The following NRXN1 variants were observed in gnomAD, a reference collection of about 807,000 sequenced individuals.
The protein encoded by NRXN1 is neurexin 1, also known as neurexin-1.
A neutral mutation model predicts 150.9 loss-of-function variants in NRXN1; 39 were observed. The ratio of observed to expected loss-of-function variants is 0.26; its 90% CI spans 0.20 to 0.34. NRXN1 has a LOEUF of 0.34. Ranked by LOEUF, NRXN1 falls within the 10% of genes least tolerant of loss-of-function variation. The probability of loss-of-function intolerance (pLI) is 1.00; values close to 1 mark genes in which losing one functional copy is unlikely to be tolerated. For synonymous variants in NRXN1, 924 were observed against 757.0 expected (o/e 1.22, Z -3.62); for missense variants, 1,815 against 1,949.9 (o/e 0.93, Z 1.30).
chr2:50,770,357 T>C (rs1014244296), intron 5 of NRXN1, among the ~76,000 whole-genome samples: 4 of 151,710 alleles, frequency 2.6e-5, no homozygotes, highest in Non-Finnish European at 4.4e-5. Flanking sequence ...AGATGATAGA[T>C]AGATTTTTTC....
chr2:50,755,886 C>T (rs1206330868), intron 5 of NRXN1, among the ~76,000 whole-genome samples: 1 of 151,790 alleles, frequency 6.6e-6, no homozygotes, highest in East Asian at 1.9e-4. Flanking sequence ...TGTGAGGGTT[C>T]CTTCACTTTA....
chr2:50,858,374 A>C (rs530288909), intron 5 of NRXN1, among the ~76,000 whole-genome samples: 3 of 152,062 alleles, frequency 2.0e-5, no homozygotes, highest in Non-Finnish European at 4.4e-5. Flanking sequence ...TTCCTTTTCA[A>C]ACTTGGATGG....
At position 50,313,516 on chromosome 2, in the gene NRXN1, A is replaced by C. The variant is rs566856806; in HGVS notation, c.3365-76546T>G. Among the ~76,000 whole-genome samples the C allele has an allele frequency of 2.6e-5, 4 of 152,202 alleles. No homozygotes were observed. In the South Asian group the frequency reaches 8.3e-4, roughly 32 times the overall value. On this transcript the variant is annotated intron_variant, in intron 17 of 22. Coordinates refer to ENST00000401669, the MANE Select transcript of NRXN1 (RefSeq NM_001330078.2). ...AGTCATTTACCTGATAATCTGTTCT[A>C]TGGGTGCTAGCAAGCATTAGACCCC...
At chr2:50,986,103 AACAT>A (rs1029539546) in intron 2 of NRXN1, among the ~76,000 whole-genome samples, 14 of 151,812 alleles carry the variant, frequency 9.2e-5, no homozygotes, top group African/African-American at 3.4e-4. Flanking sequence ...AAGTTAACTT[AACAT>A]ACAGTTAACT....
chr2:50,253,129 C>T (rs900181827), intron 17 of NRXN1, among the ~76,000 whole-genome samples: 26 of 152,074 alleles, frequency 1.7e-4, no homozygotes, highest in Non-Finnish European at 3.8e-4. Flanking sequence ...TCCTTCACTT[C>T]CCTCTTTAGC....
At chr2:50,694,881 G>T (rs1486054522) in intron 5 of NRXN1, among the ~76,000 whole-genome samples, 1 of 152,032 alleles carries the variant, frequency 6.6e-6, no homozygotes, top group Non-Finnish European at 1.5e-5. Flanking sequence ...ATTAATTGCG[G>T]GGTATTCTCT....
At chr2:50,587,817 T>C (rs1358037909) in intron 8 of NRXN1, among the ~76,000 whole-genome samples, 8 of 152,252 alleles carry the variant, frequency 5.3e-5, no homozygotes, top group Admixed American at 5.2e-4. Context: ...GAAAAAAAGC[T>C]TGAAGAATCA....
In NRXN1 at chr2:50,237,068, C is replaced by T. The variant is rs926285840; in HGVS notation, c.3365-98G>A. On this transcript the variant is annotated intron_variant, in intron 17 of 22. Coordinates refer to ENST00000401669, the MANE Select transcript of NRXN1 (RefSeq NM_001330078.2). ...ATATATCAGTAAAGTATCAACTCTA[C>T]ACACAAAACTATGGCAAAGTAAATC... 1.8e-5 allele frequency: 21 copies of T among 1,152,918 alleles called. No homozygotes were observed. The African/African-American group carries it at 2.6e-4, about 14-fold the overall frequency. The allele number at this position is 1,152,918 out of a possible 1,614,324, so 71.4% of individuals were successfully genotyped here.
intron 15 of NRXN1, among the ~76,000 whole-genome samples, chr2:50,479,767 CTTTTTTTTTTTTT>C (rs35301086): frequency 3.8e-5 from 3 of 79,864 alleles, no homozygotes; most frequent in Non-Finnish European, 6.5e-5. Flanking sequence ...ATTTCTTTTT[CTTTTTTTTTTTTT>C]TTTTTTTTTT....
chr2:50,566,869 A>G (rs1027633433), intron 8 of NRXN1, among the ~76,000 whole-genome samples: 2 of 152,084 alleles, frequency 1.3e-5, no homozygotes, highest in South Asian at 4.2e-4. Flanking sequence ...GGTTCTGGGC[A>G]CACTTTCTCA....
chr2:50,549,836 T>C (rs1174627707), intron 9 of NRXN1, among the ~76,000 whole-genome samples: 2 of 152,168 alleles, frequency 1.3e-5, no homozygotes, highest in East Asian at 3.9e-4. Flanking sequence ...TCATAAAATA[T>C]TCAAAATAAT....
At chr2:50,237,745 G>T (rs1322549964) in intron 17 of NRXN1, among the ~76,000 whole-genome samples, 2 of 151,904 alleles carry the variant, frequency 1.3e-5, no homozygotes, top group Admixed American at 1.3e-4. Context: ...TAAATGAAAA[G>T]AGTCTTTTTC....
intron 17 of NRXN1, among the ~76,000 whole-genome samples, chr2:50,421,891 T>C (rs1050665445): frequency 1.3e-5 from 2 of 152,116 alleles, no homozygotes; most frequent in Admixed American, 6.6e-5. Context: ...TTTACAAGTC[T>C]GTGACCATTG....
chr2:50,988,817 C>T (rs974144342), intron 2 of NRXN1, among the ~76,000 whole-genome samples: 12 of 151,924 alleles, frequency 7.9e-5, no homozygotes, highest in Non-Finnish European at 1.5e-5. Context: ...CTAAATTATG[C>T]ACCCTGCCTA....
intron 17 of NRXN1, among the ~76,000 whole-genome samples, chr2:50,357,395 G>A (rs991157228): frequency 7.9e-5 from 12 of 151,784 alleles, no homozygotes; most frequent in African/African-American, 2.9e-4. Context: ...CACAACCTCT[G>A]CCTCCTGGGT....
chr2:50,100,500 C>T (rs148864411), intron 18 of NRXN1, among the ~76,000 whole-genome samples: 7 of 152,028 alleles, frequency 4.6e-5, no homozygotes, highest in African/African-American at 9.7e-5. Context: ...ATCTTGATAT[C>T]GGTATTTTAA....
chr2:50,236,869 A>T lies in NRXN1; in HGVS notation c.3466T>A (p.Phe1156Ile). Residue 1156 changes from phenylalanine to isoleucine, a missense_variant, in exon 18 of 23, where the codon TTT becomes ATT. Phe to Ile is a conservative substitution (Grantham distance 21). Coordinates refer to ENST00000401669, the MANE Select transcript of NRXN1 (RefSeq NM_001330078.2). ...STRADRLAIG[F>I]STVQKEAVLV... Reference sequence around the variant, plus strand: ...ACGGCTTCTTTCTGAACAGTGCTAAAACCTATGGCCAGTCTGTCTGCTCGT... The same window carrying T: ...ACGGCTTCTTTCTGAACAGTGCTAATACCTATGGCCAGTCTGTCTGCTCGT... The T allele has an allele frequency of 1.2e-6, 2 of 1,613,336 alleles. No homozygotes were observed. The highest frequency in any genetic ancestry group is 1.7e-6 in the Non-Finnish European group (2 of 1,179,660).
At chr2:50,549,756 T>C (rs1667163795) in intron 9 of NRXN1, among the ~76,000 whole-genome samples, 1 of 152,206 alleles carries the variant, frequency 6.6e-6, no homozygotes, top group South Asian at 2.1e-4. Flanking sequence ...TTTATTCTGC[T>C]TGAAGATTAA....
At chr2:50,768,132 G>A (rs1467062376) in intron 5 of NRXN1, among the ~76,000 whole-genome samples, 1 of 152,086 alleles carries the variant, frequency 6.6e-6, no homozygotes, top group African/African-American at 2.4e-5. Context: ...CTTTTCCCAT[G>A]AGTCTGACTG....
Sources: gnomAD v4.1 joint callset for allele counts (sites outside exome capture counted in the v4.1 genomes callset) on GRCh38, gnomAD v4.1.1 for gene constraint, MANE v1.5 for transcripts, NCBI Gene and HGNC (gene_info 2026-07-23, HGNC 2026-07-21) for gene names.